OR6C74: variants seen among roughly 807,000 people sequenced by gnomAD.
OR6C74 encodes olfactory receptor 6C74.
For synonymous variants in OR6C74, 142 were observed against 134.2 expected, an observed-to-expected ratio of 1.06 and a Z score of -0.40; for missense variants, 361 against 362.9, an observed-to-expected ratio of 0.99 and a Z score of 0.04.
chr12:55,247,160 C>A, intron 1 of OR6C74, 119 bp from the exon 2 acceptor site: 1 of 525,596 alleles, frequency 1.9e-6, no homozygotes, highest in Non-Finnish European at 3.3e-6. Flanking sequence ...TTATAGGCTG[C>A]TGTTAAAGGA....
rs1296718086 is a variant in OR6C74, at chr12:55,248,035, T to C, written c.748T>C (p.Tyr250His). ...CCACATGGTGGTCGTGTCCATTTCTTATGGCAGCTGCATCTTCATGTATGT... is the reference window on the plus strand; with the variant it reads ...CCACATGGTGGTCGTGTCCATTTCTCATGGCAGCTGCATCTTCATGTATGT... ...SSHMVVVSISYGSCIFMYVKP... is the reference protein window; with the variant it reads ...SSHMVVVSISHGSCIFMYVKP... Residue 250 changes from tyrosine (Y) to histidine (H), a missense_variant, in exon 2 of 2, where the codon TAT (tyrosine) becomes CAT (histidine). By Grantham distance (83) the Tyr-to-His change is moderately conservative. Transcript: ENST00000343399. 6.2e-7 allele frequency: 1 copy of C among 1,613,984 alleles called. No individual in the cohort carries two copies. The highest frequency in any genetic ancestry group is 1.3e-5 in the African/African-American group (1 of 74,918).
Position 55,247,387 on chromosome 12 carries a change from A to G in OR6C74, c.100A>G (p.Met34Val), listed in dbSNP as rs1406146272. The G allele has an allele frequency of 6.2e-7, 1 of 1,611,662 alleles. No individual in the cohort carries two copies. The highest frequency in any genetic ancestry group is 1.3e-5 in the African/African-American group (1 of 74,844). The change falls in exon 2 of 2, where the codon ATG becomes GTG. Residue 34 changes from methionine (M) to valine (V), a missense_variant. Coordinates refer to ENST00000343399, the MANE Select transcript of OR6C74 (RefSeq NM_001005490.2). ...TTTTCTTCTCCTTTTTTTCACCTAC[A>G]TGTTGAGCATCACTGGGAATCTAAC... ...IIFLLLFFTY[M>V]LSITGNLTII...
At chr12:55,247,225 T>C in intron 1 of OR6C74, 54 bp from the exon 2 acceptor site, 1 of 1,009,058 alleles carries the variant, frequency 9.9e-7, no homozygotes, top group South Asian at 1.7e-5. Context: ...AATGGGTATC[T>C]CATGCAGACC....
Position 55,247,915 on chromosome 12 carries a change from G to A in OR6C74, c.628G>A (p.Val210Ile), listed in dbSNP as rs192400870. The A allele has an allele frequency of 6.2e-6, 10 of 1,613,890 alleles. No individual in the cohort carries two copies. In the Admixed American group the frequency reaches 8.3e-5, roughly 13 times the overall value. Residue 210 changes from valine (V) to isoleucine (I), a missense_variant, in exon 2 of 2, where the codon GTA becomes ATA. Transcript: ENST00000343399. ...CATTTTGACGCTCCTGGTTACACTGGTATTAGTGATTCTCTCCTACACAAA... is the reference window on the plus strand; with the variant it reads ...CATTTTGACGCTCCTGGTTACACTGATATTAGTGATTCTCTCCTACACAAA... ...SAILTLLVTL[V>I]LVILSYTNII...
rs992808128 is a variant in OR6C74 at position 55,250,299 on chromosome 12, T to C, written c.*2073T>C. ...TCTAAGCTCAGCTCTTTTTAAAGTCTAATATATAGGTAAATCCATAAATCA... is the reference window on the plus strand; with the variant it reads ...TCTAAGCTCAGCTCTTTTTAAAGTCCAATATATAGGTAAATCCATAAATCA... On this transcript the variant is annotated 3_prime_UTR_variant, in exon 2 of 2. Coordinates refer to ENST00000343399, the MANE Select transcript of OR6C74 (RefSeq NM_001005490.2). Among the ~76,000 whole-genome samples the C allele has an allele frequency of 6.6e-6, 1 of 152,186 alleles. No homozygotes were observed. Among genetic ancestry groups the C allele is most frequent in the Non-Finnish European group, 1.5e-5 (1 of 68,012 alleles).
Position 55,256,269 on chromosome 12 carries a change from G to A in OR6C74, c.*8043G>A, listed in dbSNP as rs1309446600. ...TAGAGCCTATAAATGGACGCATTGG[G>A]GGGGCACCTGTTCATATGGATAAGA... On this transcript the variant is annotated 3_prime_UTR_variant, in exon 2 of 2. Coordinates refer to ENST00000343399, the MANE Select transcript of OR6C74 (RefSeq NM_001005490.2). Among the ~76,000 whole-genome samples the A allele has an allele frequency of 1.3e-5, 2 of 151,888 alleles. No individual in the cohort carries two copies. Among genetic ancestry groups the A allele is most frequent in the African/African-American group, 2.4e-5 (1 of 41,358 alleles).
At position 55,253,214 on chromosome 12, in the gene OR6C74, A is replaced by G. The variant is rs916117689; in HGVS notation, c.*4988A>G. 5.9e-5 allele frequency among the ~76,000 whole-genome samples: 9 copies of G among 152,014 alleles called. No homozygotes were observed. Among genetic ancestry groups the G allele is most frequent in the Non-Finnish European group, 1.0e-4 (7 of 67,938 alleles). On this transcript the variant is annotated 3_prime_UTR_variant, in exon 2 of 2. Coordinates refer to ENST00000343399, the MANE Select transcript of OR6C74 (RefSeq NM_001005490.2). ...ATATTTAGTGCCAGAATTATTTTTG[A>G]TTTATTCTAGTAAATGGGCCATAAC...
Position 55,256,385 on chromosome 12 carries a change from G to A in OR6C74, c.*8159G>A, listed in dbSNP as rs181857066. Among the ~76,000 whole-genome samples, 34 of 152,120 alleles carry A rather than the reference G, an allele frequency of 2.2e-4. 1 individual carries two copies. In the East Asian group the frequency reaches 3.3e-3, roughly 15 times the overall value. ...CCTTCTGATATTTTCCGGTCTAACC[G>A]GTTGTCTAGCTTCACCTCCTGTTTC... On this transcript the variant is annotated 3_prime_UTR_variant, in exon 2 of 2. Coordinates refer to ENST00000343399, the MANE Select transcript of OR6C74 (RefSeq NM_001005490.2).
Position 55,247,806 on chromosome 12 carries a change from T to C in OR6C74, c.519T>C (p.Asp173=). 8.1e-6 allele frequency: 13 copies of C among 1,614,020 alleles called. No individual in the cohort carries two copies. Among genetic ancestry groups the C allele is most frequent in the Non-Finnish European group, 1.1e-5 (13 of 1,179,988 alleles). ...QLDFCAANTV[D]HFFCDVSPIL... is the part of the protein sequence containing the mutation. The stretch of plus-strand genomic sequence containing the variant: ...ATTTCTGTGCAGCCAACACTGTAGA[T>C]CATTTCTTCTGTGATGTTTCTCCTA... Residue 173 remains aspartate (D), a synonymous_variant, in exon 2 of 2, where the codon GAT becomes GAC. Coordinates refer to ENST00000343399, the MANE Select transcript of OR6C74 (RefSeq NM_001005490.2).
At position 55,247,520 on chromosome 12, in the gene OR6C74, A is replaced by G. The variant is rs1954279951; in HGVS notation, c.233A>G (p.Lys78Arg). ...EVSFTTVYIP[K>R]FLVSMATGDK... is the part of the protein sequence containing the mutation. ...TCATTCACAACTGTCTACATTCCCA[A>G]ATTTCTTGTTAGTATGGCAACAGGT... The change falls in exon 2 of 2, where the codon AAA becomes AGA. Residue 78 changes from lysine to arginine, a missense_variant. Physicochemically the swap from Lys to Arg is conservative, Grantham distance 26. Transcript: ENST00000343399. 6.2e-7 allele frequency: 1 copy of G among 1,613,188 alleles called. No individual in the cohort carries two copies. The highest frequency in any genetic ancestry group is 8.5e-7 in the Non-Finnish European group (1 of 1,179,554).
rs1954260202 is a variant in OR6C74, at chr12:55,244,727, T to G, written c.-100T>G. Among the ~76,000 whole-genome samples the G allele has an allele frequency of 6.6e-6, 1 of 151,816 alleles. No homozygotes were observed. Among genetic ancestry groups the G allele is most frequent in the South Asian group, 2.1e-4 (1 of 4,826 alleles). On this transcript the variant is annotated 5_prime_UTR_variant, in exon 1 of 2. Coordinates refer to ENST00000343399, the MANE Select transcript of OR6C74 (RefSeq NM_001005490.2). ...ATATATAGAAGAGATATGATAAACA[T>G]AGAGGTAGATATATGCTCCAAATTT...
chr12:55,246,243 G>A (rs982357585), intron 1 of OR6C74, among the ~76,000 whole-genome samples: 5 of 152,182 alleles, frequency 3.3e-5, no homozygotes, highest in African/African-American at 1.2e-4. Flanking sequence ...AGAAAAGAGA[G>A]AGAGGATGTG....
In OR6C74 at chr12:55,247,332, G is replaced by T. The variant is rs1264027639; in HGVS notation, c.45G>T (p.Leu15=). 1 of 1,611,860 alleles carries T rather than the reference G, an allele frequency of 6.2e-7. No individual in the cohort carries two copies. Among genetic ancestry groups the T allele is most frequent in the Non-Finnish European group, 8.5e-7 (1 of 1,178,194 alleles). ...TAGCAAACTTTATTCTTCTTGGACTGACAGATGATCCACAATTACAGGTGA... is the reference window on the plus strand; with the variant it reads ...TAGCAAACTTTATTCTTCTTGGACTTACAGATGATCCACAATTACAGGTGA... ...TTVANFILLG[L]TDDPQLQVII... Residue 15 remains leucine, a synonymous_variant, in exon 2 of 2, where the codon CTG becomes CTT. Transcript: ENST00000343399.
At chr12:55,247,062 A>G (rs1419642763) in intron 1 of OR6C74, 2 of 427,796 alleles carry the variant, frequency 4.7e-6, no homozygotes, top group African/African-American at 2.0e-5. Flanking sequence ...CGCAATGCTT[A>G]CATTTATGGC....
rs1394377520 is a variant in OR6C74 at position 55,251,720 on chromosome 12, A to C, written c.*3494A>C. On this transcript the variant is annotated 3_prime_UTR_variant, in exon 2 of 2. Transcript: ENST00000343399. ...AGAGATAATTCAATTGTATGATACA[A>C]TAAAGTCCCATTGTATCATACATAT... is the stretch of plus-strand genomic sequence containing the variant. 6.6e-6 allele frequency among the ~76,000 whole-genome samples: 1 copy of C among 151,952 alleles called. No homozygotes were observed. Among genetic ancestry groups the C allele is most frequent in the Non-Finnish European group, 1.5e-5 (1 of 67,864 alleles).
At chr12:55,247,226 C>A in intron 1 of OR6C74, 53 bp from the exon 2 acceptor site, 2 of 1,026,558 alleles carry the variant, frequency 1.9e-6, no homozygotes, top group Non-Finnish European at 2.9e-6. Context: ...ATGGGTATCT[C>A]ATGCAGACCT....
rs1954347285 is a variant in OR6C74 at position 55,256,616 on chromosome 12, C to T, written c.*8390C>T. On this transcript the variant is annotated 3_prime_UTR_variant, in exon 2 of 2. Coordinates refer to ENST00000343399, the MANE Select transcript of OR6C74 (RefSeq NM_001005490.2). ...AAAGAACTACTTCATCCCCATGTGA[C>T]CATCTCACCTCATAATCAAAAGACC... Among the ~76,000 whole-genome samples, 1 of 152,058 alleles carries T rather than the reference C, an allele frequency of 6.6e-6. No homozygotes were observed. The highest frequency in any genetic ancestry group is 1.5e-5 in the Non-Finnish European group (1 of 68,002).
Position 55,254,093 on chromosome 12 carries a change from T to C in OR6C74, c.*5867T>C, listed in dbSNP as rs575013896. On this transcript the variant is annotated 3_prime_UTR_variant, in exon 2 of 2. Coordinates refer to ENST00000343399, the MANE Select transcript of OR6C74 (RefSeq NM_001005490.2). ...ACTGAATATGCTCATATCAGTTAAG[T>C]GCTATTACATAGCCTCTGACTTTCC... 6.6e-6 allele frequency among the ~76,000 whole-genome samples: 1 copy of C among 152,234 alleles called. No individual in the cohort carries two copies. The highest frequency in any genetic ancestry group is 1.9e-4 in the East Asian group (1 of 5,174).
At position 55,250,656 on chromosome 12, in the gene OR6C74, A is replaced by T. The variant is rs1954306229; in HGVS notation, c.*2430A>T. ...AAATTGTGCTAGGATTCTAAAAAAT[A>T]TTAAAATCTCATTTGTTCACCTGTT... is the stretch of plus-strand genomic sequence containing the variant. On this transcript the variant is annotated 3_prime_UTR_variant, in exon 2 of 2. Transcript: ENST00000343399. Among the ~76,000 whole-genome samples the T allele has an allele frequency of 6.6e-6, 1 of 152,122 alleles. No homozygotes were observed. The highest frequency in any genetic ancestry group is 1.5e-5 in the Non-Finnish European group (1 of 67,988).
Sources: allele counts gnomAD v4.1 joint callset (sites outside exome capture counted in the v4.1 genomes callset), GRCh38; gene constraint gnomAD v4.1.1; transcripts MANE v1.5; gene names NCBI Gene and HGNC (gene_info 2026-07-23, HGNC 2026-07-21).